Variants in ZNF484 observed in about 807,000 individuals in gnomAD.
ZNF484 encodes the protein zinc finger protein 484.
ZNF484 carries 11 observed loss-of-function variants against 12.9 expected under a neutral mutation model. The observed-to-expected ratio is 0.85, with a 90% confidence interval of 0.54 to 1.41. The LOEUF is 1.41. ZNF484 is among the 40% of genes most tolerant of loss of function. The pLI is 0.00. For missense variants in ZNF484, 807 were observed against 1,007.7 expected, an observed-to-expected ratio of 0.80 and a Z score of 2.70; for synonymous variants, 289 against 334.1, an observed-to-expected ratio of 0.86 and a Z score of 1.47.
In ZNF484 at chr9:92,848,348, G is replaced by C; in HGVS notation, c.439C>G (p.Leu147Val). The C allele has an allele frequency of 6.2e-7, 1 of 1,614,064 alleles. No homozygotes were observed. The highest frequency in any genetic ancestry group is 8.5e-7 in the Non-Finnish European group (1 of 1,180,006). ...TATTCAAAGATGCTGTCATTAGCTA[G>C]TGTTTTCTTGTTAATGAAGACAACA... is the stretch of plus-strand genomic sequence containing the variant. The part of the protein sequence containing the change: ...SRVVFINKKT[L>V]ANDSIFEYKD... Residue 147 changes from leucine to valine, a missense_variant, in exon 5 of 5, where the codon CTA (leucine) becomes GTA (valine). Physicochemically the swap from Leu to Val is conservative, Grantham distance 32. Coordinates refer to ENST00000375495, the MANE Select transcript of ZNF484 (RefSeq NM_031486.4). This position sits in a 1 kb window ranked among gnomAD's most constrained non-coding sequence, Gnocchi z 4.1.
At position 92,878,018 on chromosome 9, in the gene ZNF484, G is replaced by C. The variant is rs1168629173; in HGVS notation, c.-159C>G. Reference sequence around the variant, plus strand: ...CCCAGGCCTAGAGGTACTTCTTACAGCGCTGCCTGGGTTTGCGCATGCTCA... The same window carrying C: ...CCCAGGCCTAGAGGTACTTCTTACACCGCTGCCTGGGTTTGCGCATGCTCA... On this transcript the variant is annotated 5_prime_UTR_variant, in exon 1 of 5. Coordinates refer to ENST00000375495, the MANE Select transcript of ZNF484 (RefSeq NM_031486.4). The C allele has an allele frequency of 1.5e-6, 1 of 683,640 alleles. No homozygotes were observed. Among genetic ancestry groups the C allele is most frequent in the Non-Finnish European group, 2.4e-6 (1 of 419,490 alleles). 42.3% of individuals were successfully genotyped at this position (683,640 alleles called of 1,614,324 possible). A position where few individuals can be genotyped will look rare whatever the true frequency, so the allele number is the denominator to read the frequency against.
Position 92,856,318 on chromosome 9 carries a change from C to T in ZNF484, c.16G>A (p.Glu6Lys), listed in dbSNP as rs1298578016. The stretch of plus-strand genomic sequence containing the variant: ...GTTACGTCCTTGAATGACACTGATT[C>T]CTGTTAAAAAAAAAAAACAAACTTT... MTKSL[E>K]SVSFKDVTVD... Residue 6 changes from glutamate to lysine, a missense_variant and splice_region_variant, in exon 3 of 5, where the codon GAA becomes AAA. By Grantham distance (56) the Glu-to-Lys change is moderately conservative. Transcript: ENST00000375495. 4.0e-6 allele frequency: 6 copies of T among 1,502,310 alleles called. No individual in the cohort carries two copies. The highest frequency in any genetic ancestry group is 1.5e-5 in the African/African-American group (1 of 64,756). 93.1% of individuals were successfully genotyped at this position (1,502,310 alleles called of 1,614,324 possible). A position where few individuals can be genotyped will look rare whatever the true frequency, so the allele number is the denominator to read the frequency against.
intron 2 of ZNF484, among the ~76,000 whole-genome samples, chr9:92,866,466 G>T (rs1857079705): frequency 6.6e-6 from 1 of 152,178 alleles, no homozygotes; most frequent in South Asian, 2.1e-4. Context: ...AGTCAGAATG[G>T]CTATTATTAA....
intron 2 of ZNF484, among the ~76,000 whole-genome samples, chr9:92,862,365 G>A (rs185473963): frequency 5.9e-5 from 9 of 151,996 alleles, no homozygotes; most frequent in African/African-American, 1.4e-4. Context: ...ATTATAAAGG[G>A]CATAAGAGAT....
intron 2 of ZNF484, among the ~76,000 whole-genome samples, chr9:92,857,209 A>G (rs1256746822): frequency 1.3e-5 from 2 of 152,238 alleles, no homozygotes; most frequent in Admixed American, 6.5e-5. Context: ...CTGCTGAGGT[A>G]GCAAGAAATA....
intron 2 of ZNF484, among the ~76,000 whole-genome samples, chr9:92,858,223 A>T (rs1348732991): frequency 2.0e-5 from 3 of 152,232 alleles, no homozygotes; most frequent in Non-Finnish European, 4.4e-5. Context: ...ATGAAAGTTC[A>T]AAAATTGAAA....
chr9:92,855,877 T>A lies in ZNF484; in HGVS notation c.169A>T (p.Ile57Phe), dbSNP rs370250224. Residue 57 changes from isoleucine (I) to phenylalanine (F), a missense_variant, in exon 4 of 5, where the codon ATC becomes TTC. Ile to Phe is a conservative substitution (Grantham distance 21). Transcript: ENST00000375495. ...VGCQVPKPEV[I>F]FSLEQEEPCM... ...GGCTCTTCTTGTTCCAAGCTGAAGA[T>A]GACTTCTGGTTTGGGAACTTGACAT... 1.6e-4 allele frequency: 256 copies of A among 1,614,060 alleles called. No individual in the cohort carries two copies. Among genetic ancestry groups the A allele is most frequent in the Non-Finnish European group, 2.1e-4 (247 of 1,180,032 alleles).
At chr9:92,872,993 T>C (rs1380830821) in intron 2 of ZNF484, among the ~76,000 whole-genome samples, 4 of 152,120 alleles carry the variant, frequency 2.6e-5, no homozygotes, top group African/African-American at 9.7e-5. Context: ...ATCAAGACAT[T>C]CTCAGTCCTC....
chr9:92,864,311 C>A (rs1374332567), intron 2 of ZNF484, among the ~76,000 whole-genome samples: 1 of 152,052 alleles, frequency 6.6e-6, no homozygotes, highest in East Asian at 1.9e-4. Context: ...TGTGAGTGCC[C>A]CTTTCCTCCC....
chr9:92,846,294 C>T lies in ZNF484; in HGVS notation c.2493G>A (p.Glu831=). 5 of 1,614,122 alleles carry T rather than the reference C, an allele frequency of 3.1e-6. No homozygotes were observed. The highest frequency in any genetic ancestry group is 2.2e-5 in the South Asian group (2 of 91,084). The change falls in exon 5 of 5, where the codon GAG becomes GAA. Residue 831 remains glutamate, a synonymous_variant. Coordinates refer to ENST00000375495, the MANE Select transcript of ZNF484 (RefSeq NM_031486.4). ...CACACCATAATTGTGGCATGGAGCACTCTACTTCCCCATTGTCAGATTTCT... is the reference window on the plus strand; with the variant it reads ...CACACCATAATTGTGGCATGGAGCATTCTACTTCCCCATTGTCAGATTTCT... ...MPQKSDNGEV[E]CSMPQLWCGD...
At chr9:92,859,443 G>A (rs1054095494) in intron 2 of ZNF484, among the ~76,000 whole-genome samples, 4 of 152,092 alleles carry the variant, frequency 2.6e-5, no homozygotes, top group Non-Finnish European at 5.9e-5. Flanking sequence ...AGGGAGAGAG[G>A]GAGCTCCTAC....
At chr9:92,864,382 C>G in intron 2 of ZNF484, among the ~76,000 whole-genome samples, 1 of 151,892 alleles carries the variant, frequency 6.6e-6, no homozygotes, top group Non-Finnish European at 1.5e-5. Context: ...CAGCAAATCT[C>G]GGGAACTATC....
rs1241288212 is a variant in ZNF484 at position 92,846,533 on chromosome 9, C to CA, written c.2253dup (p.Asp752Ter). 1 of 1,613,908 alleles carries CA rather than the reference C, an allele frequency of 6.2e-7. No homozygotes were observed. The highest frequency in any genetic ancestry group is 1.1e-5 in the South Asian group (1 of 91,062). On this transcript the variant is annotated frameshift_variant, in exon 5 of 5. Transcript: ENST00000375495. LOFTEE classifies it low-confidence loss of function (END_TRUNC). ...TTCTTAATGAAAGACTTGCCACAGT[C>CA]ACTGCATTCATAGGGTTTCTCTCCA...
At chr9:92,851,434 A>T in intron 4 of ZNF484, among the ~76,000 whole-genome samples, 1 of 152,244 alleles carries the variant, frequency 6.6e-6, no homozygotes, top group Non-Finnish European at 1.5e-5. Flanking sequence ...ACACAGCCAC[A>T]CCCATACATT....
At chr9:92,856,879 G>A (rs996788073) in intron 2 of ZNF484, among the ~76,000 whole-genome samples, 1 of 152,040 alleles carries the variant, frequency 6.6e-6, no homozygotes, top group East Asian at 1.9e-4. Flanking sequence ...CCGCCACCAC[G>A]CCCAGCTAAT....
intron 1 of ZNF484, among the ~76,000 whole-genome samples, chr9:92,877,434 A>C (rs1857888406): frequency 6.6e-6 from 1 of 152,180 alleles, no homozygotes; most frequent in Admixed American, 6.5e-5. Flanking sequence ...CTGGATATGA[A>C]AGAGAACAAA....
Position 92,846,460 on chromosome 9 carries a change from TA to T in ZNF484, c.2326del (p.Tyr776IlefsTer38). On this transcript the variant is annotated frameshift_variant, in exon 5 of 5. Coordinates refer to ENST00000375495, the MANE Select transcript of ZNF484 (RefSeq NM_031486.4). LOFTEE classifies it low-confidence loss of function (END_TRUNC). ...GGCCTTTCCACACTCAGCACATATA[TA>T]TGGTTTCTCTCCTGTGTGAATTCGA... ...HHRIHTGEKPYICAECGKAFT... is the reference protein window; with the variant it reads ...HHRIHTGEKPXICAECGKAFT... 1 of 1,614,162 alleles carries T rather than the reference TA, an allele frequency of 6.2e-7. No homozygotes were observed. The highest frequency in any genetic ancestry group is 8.5e-7 in the Non-Finnish European group (1 of 1,180,012).
chr9:92,865,635 A>C (rs1036676047), intron 2 of ZNF484, among the ~76,000 whole-genome samples: 1 of 152,150 alleles, frequency 6.6e-6, no homozygotes, highest in Non-Finnish European at 1.5e-5. Context: ...GGCCAGGTGC[A>C]GTGGCTCAGG....
At chr9:92,864,160 A>G (rs987733045) in intron 2 of ZNF484, among the ~76,000 whole-genome samples, 1 of 152,226 alleles carries the variant, frequency 6.6e-6, no homozygotes, top group Non-Finnish European at 1.5e-5. Context: ...TTCTTCCCTA[A>G]TAACAGAACA....
Sources: allele counts gnomAD v4.1 joint callset (sites outside exome capture counted in the v4.1 genomes callset), GRCh38; gene constraint gnomAD v4.1.1; non-coding constraint Gnocchi (gnomAD v3.1); transcripts MANE v1.5; gene names NCBI Gene and HGNC (gene_info 2026-07-23, HGNC 2026-07-21).